PAN3: variants seen among roughly 807,000 people sequenced by gnomAD.
PAN3 encodes the protein poly(A) specific ribonuclease subunit PAN3, also known as PAN2-PAN3 deadenylation complex subunit PAN3.
A neutral mutation model predicts 96.2 loss-of-function variants in PAN3; 19 were observed. The observed-to-expected ratio is 0.20, with a 90% CI of 0.14 to 0.29. The LOEUF is 0.29. PAN3 is among the 10% of genes least tolerant of loss of function. The pLI is 1.00. For missense variants in PAN3, 882 were observed against 1,108.1 expected, an observed-to-expected ratio of 0.80 and a Z score of 2.90; for synonymous variants, 433 against 406.6, an observed-to-expected ratio of 1.06 and a Z score of -0.78.
chr13:28,242,299 G>T (rs996176607), intron 6 of PAN3, among the ~76,000 whole-genome samples: 20 of 152,128 alleles, frequency 1.3e-4, no homozygotes, highest in African/African-American at 4.6e-4. Context: ...GCAATTTGAT[G>T]ATGATAGCTA....
At chr13:28,242,662 T>C (rs1361002130) in intron 6 of PAN3, among the ~76,000 whole-genome samples, 1 of 152,150 alleles carries the variant, frequency 6.6e-6, no homozygotes, top group Non-Finnish European at 1.5e-5. Context: ...TGTTGATGTA[T>C]GAGAGGAAGG....
intron 6 of PAN3, among the ~76,000 whole-genome samples, chr13:28,248,204 TTTC>T (rs1286478697): frequency 4.6e-5 from 7 of 152,216 alleles, no homozygotes; most frequent in Non-Finnish European, 4.4e-5. Context: ...GCTTTCTTGA[TTTC>T]TTCTTCAGGT....
At chr13:28,278,882 G>A (rs1293217375) in intron 15 of PAN3, among the ~76,000 whole-genome samples, 2 of 152,008 alleles carry the variant, frequency 1.3e-5, no homozygotes, top group Non-Finnish European at 2.9e-5. Flanking sequence ...CATGGGTATA[G>A]CTATTCATTT....
chr13:28,178,325 T>G (rs1425487935), intron 4 of PAN3, among the ~76,000 whole-genome samples: 2 of 152,172 alleles, frequency 1.3e-5, no homozygotes, highest in Non-Finnish European at 2.9e-5. Context: ...CCTAATTTAC[T>G]CCTGATTACA....
intron 1 of PAN3, among the ~76,000 whole-genome samples, chr13:28,139,514 T>TGGTGTGTGTGTG (rs1869353072): frequency 1.1e-5 from 1 of 93,100 alleles, no homozygotes; most frequent in African/African-American, 5.2e-5. Flanking sequence ...AGGGGTGTGT[T>TGGTGTGTGTGTG]TGTGTGTGTG....
chr13:28,173,770 C>T (rs1388506280), intron 1 of PAN3, among the ~76,000 whole-genome samples: 1 of 152,194 alleles, frequency 6.6e-6, no homozygotes, highest in Non-Finnish European at 1.5e-5. Context: ...ACCCTAAACT[C>T]TAAAGAGAAC....
chr13:28,247,207 A>G (rs1346937033), intron 6 of PAN3, among the ~76,000 whole-genome samples: 1 of 152,100 alleles, frequency 6.6e-6, no homozygotes, highest in Admixed American at 6.5e-5. Flanking sequence ...GGTCATTTGT[A>G]TGTCTTCTTT....
intron 9 of PAN3, among the ~76,000 whole-genome samples, chr13:28,264,428 A>T (rs1885993704): frequency 6.6e-6 from 1 of 151,944 alleles, no homozygotes; most frequent in Non-Finnish European, 1.5e-5. Context: ...AACTCCAGCT[A>T]CTCGGGAGGC....
intron 1 of PAN3, among the ~76,000 whole-genome samples, chr13:28,156,333 A>G (rs1226468886): frequency 6.6e-6 from 1 of 152,142 alleles, no homozygotes; most frequent in Non-Finnish European, 1.5e-5. Context: ...ATTCCTGGAA[A>G]TATACCTCCT....
At chr13:28,141,893 G>A (rs1371053393) in intron 1 of PAN3, among the ~76,000 whole-genome samples, 1 of 152,198 alleles carries the variant, frequency 6.6e-6, no homozygotes, top group Admixed American at 6.6e-5. Context: ...GTGGCTCAAA[G>A]GTGGGACATC....
chr13:28,165,285 T>C (rs1198836846), intron 1 of PAN3, among the ~76,000 whole-genome samples: 1 of 146,228 alleles, frequency 6.8e-6, no homozygotes, highest in African/African-American at 2.5e-5. Context: ...TATATATCCT[T>C]TTTTTTTTTT....
At position 28,293,875 on chromosome 13, in the gene PAN3, T is replaced by A. The variant is rs1356818984; in HGVS notation, c.*1353T>A. Reference sequence around the variant, plus strand: ...TCTCCTTTCCCAGCACTGAATGTTTTACTAGCACTGGGTGCTCACCATGCA... The same window carrying A: ...TCTCCTTTCCCAGCACTGAATGTTTAACTAGCACTGGGTGCTCACCATGCA... On this transcript the variant is annotated 3_prime_UTR_variant, in exon 19 of 19. Transcript: ENST00000380958. 1 of 152,668 alleles carries A rather than the reference T, an allele frequency of 6.6e-6. No individual in the cohort carries two copies. The highest frequency in any genetic ancestry group is 1.5e-5 in the Non-Finnish European group (1 of 68,040). 9.5% of individuals were successfully genotyped at this position (152,668 alleles called of 1,614,324 possible). A position where few individuals can be genotyped will look rare whatever the true frequency, so the allele number is the denominator to read the frequency against.
chr13:28,226,555 GTTTAATAAATGC>G (rs1882019971), intron 6 of PAN3, among the ~76,000 whole-genome samples: 4 of 152,226 alleles, frequency 2.6e-5, no homozygotes, highest in African/African-American at 9.6e-5. Context: ...TATAAATGGT[GTTTAATAAATGC>G]TTACTCAATA....
chr13:28,260,480 G>A lies in PAN3; in HGVS notation c.1282G>A (p.Ala428Thr). The A allele has an allele frequency of 6.2e-7, 1 of 1,613,284 alleles. No individual in the cohort carries two copies. The highest frequency in any genetic ancestry group is 1.3e-5 in the African/African-American group (1 of 74,986). Reference sequence around the variant, plus strand: ...AAACTATCATATTTATCCTCCAACTGCACCTCACGTTGCTTATATGCAACC... The same window carrying A: ...AAACTATCATATTTATCCTCCAACTACACCTCACGTTGCTTATATGCAACC... ...FPNYHIYPPTAPHVAYMQPKA... is the reference protein window; with the variant it reads ...FPNYHIYPPTTPHVAYMQPKA... The change falls in exon 8 of 19, where the codon GCA becomes ACA. Residue 428 changes from alanine to threonine, a missense_variant. Around this residue, in one of 3 missense-constraint regions of PAN3, gnomAD observed 364 missense variants for 513.6 expected, o/e 0.71. Transcript: ENST00000380958.
intron 7 of PAN3, among the ~76,000 whole-genome samples, chr13:28,256,769 T>G (rs1279232872): frequency 6.6e-6 from 1 of 152,244 alleles, no homozygotes; most frequent in Non-Finnish European, 1.5e-5. Flanking sequence ...GAAATTAGAT[T>G]ATATCCATGC....
intron 18 of PAN3, 51 bp downstream of exon 18, chr13:28,288,173 T>C: frequency 1.4e-6 from 2 of 1,478,806 alleles, no homozygotes; most frequent in Admixed American, 2.1e-5. Context: ...ATAATTTGTA[T>C]AGAGTTGTAT....
Position 28,270,821 on chromosome 13 carries a change from G to T in PAN3, c.1913G>T (p.Cys638Phe). Reference sequence around the variant, plus strand: ...ACCATTCATACAGCAGGTTTGGCATGTCGAGTTATGGATCCAACAAAGATT... The same window carrying T: ...ACCATTCATACAGCAGGTTTGGCATTTCGAGTTATGGATCCAACAAAGATT... ...LRTIHTAGLA[C>F]RVMDPTKILI... Residue 638 changes from cysteine to phenylalanine, a missense_variant, in exon 13 of 19, where the codon TGT (cysteine) becomes TTT (phenylalanine). Physicochemically the swap from Cys to Phe is radical, Grantham distance 205. Transcript: ENST00000380958. The T allele has an allele frequency of 1.2e-6, 2 of 1,613,922 alleles. No homozygotes were observed. The highest frequency in any genetic ancestry group is 1.7e-6 in the Non-Finnish European group (2 of 1,179,846).
Position 28,147,852 on chromosome 13 carries a change from G to GA in PAN3, c.430+8771dup, listed in dbSNP as rs555532006. ...CATGTAGGTAATAGCCCTCTTCCCT[G>GA]AAAAAAGCTTTGTCTTTTCTGATAC... is the stretch of plus-strand genomic sequence containing the variant. On this transcript the variant is annotated intron_variant, in intron 1 of 18. Coordinates refer to ENST00000380958, the MANE Select transcript of PAN3 (RefSeq NM_175854.8). Among the ~76,000 whole-genome samples, 477 of 152,132 alleles carry GA rather than the reference G, an allele frequency of 3.1e-3. 5 individuals are homozygous for GA. Among genetic ancestry groups the GA allele is most frequent in the Middle Eastern group, 0.02 (6 of 294 alleles).
At chr13:28,186,997 T>C (rs1049975715) in intron 4 of PAN3, among the ~76,000 whole-genome samples, 1 of 152,036 alleles carries the variant, frequency 6.6e-6, no homozygotes, top group African/African-American at 2.4e-5. Flanking sequence ...GAGGATTGCT[T>C]GAGACTAGCC....
Sources: allele counts gnomAD v4.1 joint callset (sites outside exome capture counted in the v4.1 genomes callset), GRCh38; gene constraint gnomAD v4.1.1; regional missense constraint gnomAD v4.1.1; transcripts MANE v1.5; gene names NCBI Gene and HGNC (gene_info 2026-07-23, HGNC 2026-07-21).